The following TMPRSS11D variants were observed in gnomAD, a reference collection of about 807,000 sequenced individuals.
The protein encoded by TMPRSS11D is transmembrane serine protease 11D.
In TMPRSS11D, 32 loss-of-function variants were observed where a neutral mutation model predicts 44.4. The ratio of observed to expected loss-of-function variants is 0.72; its 90% CI spans 0.54 to 0.97. TMPRSS11D has a LOEUF of 0.97. Ranked by LOEUF, TMPRSS11D falls within the 50% of genes least tolerant of loss-of-function variation. The pLI is 0.00. For missense variants in TMPRSS11D, 446 were observed against 502.6 expected (o/e 0.89, Z 1.08); for synonymous variants, 179 against 177.9 (o/e 1.01, Z -0.05).
At chr4:67,830,350 G>T (rs916407244) in intron 7 of TMPRSS11D, among the ~76,000 whole-genome samples, 3 of 151,834 alleles carry the variant, frequency 2.0e-5, no homozygotes, top group Non-Finnish European at 2.9e-5. Flanking sequence ...TAAAATGAGA[G>T]AAATGCCTTG....
At chr4:67,847,886 G>A (rs1042350975) in intron 3 of TMPRSS11D, among the ~76,000 whole-genome samples, 16 of 152,046 alleles carry the variant, frequency 1.1e-4, no homozygotes, top group Non-Finnish European at 4.4e-5. Context: ...GAACTCCACC[G>A]TGACTGTAAT....
At chr4:67,846,067 G>T (rs534241179) in intron 3 of TMPRSS11D, among the ~76,000 whole-genome samples, 288 of 152,170 alleles carry the variant, frequency 1.9e-3, no homozygotes, top group Non-Finnish European at 2.9e-3. Flanking sequence ...TAATGCTTTT[G>T]TCATTTTAAT....
At position 67,825,781 on chromosome 4, in the gene TMPRSS11D, G is replaced by A. The variant is rs746344124; in HGVS notation, c.1046C>T (p.Ser349Phe). 1.2e-6 allele frequency: 2 copies of A among 1,613,132 alleles called. No homozygotes were observed. Among genetic ancestry groups the A allele is most frequent in the Non-Finnish European group, 1.7e-6 (2 of 1,179,488 alleles). Reference protein sequence around the residue: ...APHSYNGAILSGMLCAGVPQG... With the variant: ...APHSYNGAILFGMLCAGVPQG... ...AGGTACTCCAGCACACAGCATTCCAGACAAGATGGCTCCATTATAACTATG... is the reference window on the plus strand; with the variant it reads ...AGGTACTCCAGCACACAGCATTCCAAACAAGATGGCTCCATTATAACTATG... The change falls in exon 9 of 10, where the codon TCT becomes TTT. Residue 349 changes from serine (S) to phenylalanine (F), a missense_variant. Ser to Phe is a radical substitution (Grantham distance 155). Coordinates refer to ENST00000283916, the MANE Select transcript of TMPRSS11D (RefSeq NM_004262.3).
At chr4:67,829,402 G>A (rs1169238839) in intron 7 of TMPRSS11D, among the ~76,000 whole-genome samples, 1 of 150,084 alleles carries the variant, frequency 6.7e-6, no homozygotes, top group African/African-American at 2.5e-5. Flanking sequence ...ACAAGTATAT[G>A]TGCACCTATA....
At chr4:67,874,285 G>A (rs971122114) in intron 1 of TMPRSS11D, among the ~76,000 whole-genome samples, 6 of 148,798 alleles carry the variant, frequency 4.0e-5, no homozygotes, top group Admixed American at 6.8e-5. Context: ...GTCAAGTAAC[G>A]CATGACTGGT....
chr4:67,832,099 A>C (rs762904571), intron 7 of TMPRSS11D, among the ~76,000 whole-genome samples: 2 of 152,174 alleles, frequency 1.3e-5, no homozygotes, highest in Non-Finnish European at 2.9e-5. Flanking sequence ...TCAGATACTC[A>C]TAGGTAGGGA....
At chr4:67,882,839 A>G (rs144656473) in intron 1 of TMPRSS11D, among the ~76,000 whole-genome samples, 2,291 of 151,678 alleles carry the variant, frequency 0.015, 53 homozygotes, top group African/African-American at 0.05. Context: ...GTAGTAGTTG[A>G]TGAGTAAATA....
intron 1 of TMPRSS11D, among the ~76,000 whole-genome samples, chr4:67,865,148 C>G (rs979920209): frequency 6.6e-6 from 1 of 151,332 alleles, no homozygotes; most frequent in Non-Finnish European, 1.5e-5. Flanking sequence ...TTTAAAAAAT[C>G]AAAATCATAT....
intron 4 of TMPRSS11D, among the ~76,000 whole-genome samples, chr4:67,839,579 A>T (rs1033602145): frequency 1.5e-4 from 23 of 152,090 alleles, no homozygotes; most frequent in African/African-American, 5.6e-4. Flanking sequence ...GCAAAATAGG[A>T]AGTTGAACTT....
At chr4:67,881,209 A>T (rs1196034071) in intron 1 of TMPRSS11D, among the ~76,000 whole-genome samples, 3 of 152,190 alleles carry the variant, frequency 2.0e-5, no homozygotes, top group Non-Finnish European at 4.4e-5. Flanking sequence ...TCCCTTCCTT[A>T]TGACTTATTT....
Position 67,825,740 on chromosome 4 carries a change from C to T in TMPRSS11D, c.1087G>A (p.Ala363Thr), listed in dbSNP as rs377401556. The change falls in exon 9 of 10, where the codon GCA (alanine) becomes ACA (threonine). Residue 363 changes from alanine (A) to threonine (T), a missense_variant. Ala to Thr is a moderately conservative substitution (Grantham distance 58). Transcript: ENST00000283916. ...CAGVPQGGVD[A>T]CQGDSGGPLV... ...GATTGTCTTGAGCTTACCTGACATG[C>T]GTCCACTCCACCTTGAGGTACTCCA... 28 of 1,612,630 alleles carry T rather than the reference C, an allele frequency of 1.7e-5. No individual in the cohort carries two copies. The highest frequency in any genetic ancestry group is 8.0e-5 in the African/African-American group (6 of 74,954).
intron 4 of TMPRSS11D, 135 bp from the exon 5 acceptor site, chr4:67,838,464 G>T: frequency 1.3e-6 from 1 of 778,422 alleles, no homozygotes; most frequent in Non-Finnish European, 1.9e-6. Flanking sequence ...CTCTGTAACA[G>T]TGTTTGCATA....
chr4:67,827,291 C>T lies in TMPRSS11D; in HGVS notation c.922G>A (p.Val308Ile), dbSNP rs1192217186. The T allele has an allele frequency of 1.9e-6, 3 of 1,612,504 alleles. No homozygotes were observed. The South Asian group carries it at 3.3e-5, about 18-fold the overall frequency. Reference protein sequence around the residue: ...QNIPPGSTAYVTGWGAQEYAG... With the variant: ...QNIPPGSTAYITGWGAQEYAG... The stretch of plus-strand genomic sequence containing the variant: ...TATTCTTGAGCGCCCCATCCTGTTA[C>T]ATAAGCAGTAGAGCCAGGTGGAATA... Residue 308 changes from valine (V) to isoleucine (I), a missense_variant, in exon 8 of 10, where the codon GTA becomes ATA. By Grantham distance (29) the Val-to-Ile change is conservative. Transcript: ENST00000283916.
intron 1 of TMPRSS11D, among the ~76,000 whole-genome samples, chr4:67,861,547 T>C (rs1718790680): frequency 6.6e-6 from 1 of 152,044 alleles, no homozygotes; most frequent in South Asian, 2.1e-4. Context: ...TATGTCAGGA[T>C]CTGTAAGCGT....
chr4:67,822,277 T>C lies in TMPRSS11D; in HGVS notation c.*60A>G. 2 of 1,552,014 alleles carry C rather than the reference T, an allele frequency of 1.3e-6. No individual in the cohort carries two copies. Among genetic ancestry groups the C allele is most frequent in the Non-Finnish European group, 1.8e-6 (2 of 1,137,496 alleles). On this transcript the variant is annotated 3_prime_UTR_variant, in exon 10 of 10. Coordinates refer to ENST00000283916, the MANE Select transcript of TMPRSS11D (RefSeq NM_004262.3). ...TCTTTTTCAGTTGAAATGTAAAGCT[T>C]TGGAATTTAAGACAGGCACACCTGC...
chr4:67,864,598 A>T (rs1718873513), intron 1 of TMPRSS11D, among the ~76,000 whole-genome samples: 1 of 151,956 alleles, frequency 6.6e-6, no homozygotes, highest in Non-Finnish European at 1.5e-5. Flanking sequence ...TGCATGACAG[A>T]ACTCCTCCAA....
intron 1 of TMPRSS11D, among the ~76,000 whole-genome samples, chr4:67,865,725 T>C (rs1314089083): frequency 6.6e-6 from 1 of 151,714 alleles, no homozygotes; most frequent in Non-Finnish European, 1.5e-5. Flanking sequence ...CTAGAGGAAA[T>C]CAATAAATTC....
Position 67,868,865 on chromosome 4 carries a change from T to C in TMPRSS11D, c.9-9187A>G, listed in dbSNP as rs547192416. Reference sequence around the variant, plus strand: ...GCAGACAAATTTATTAGTCCAGTAATGGGATATGAAGTGCTAAGGGCCATG... The same window carrying C: ...GCAGACAAATTTATTAGTCCAGTAACGGGATATGAAGTGCTAAGGGCCATG... On this transcript the variant is annotated intron_variant, in intron 1 of 9. Coordinates refer to ENST00000283916, the MANE Select transcript of TMPRSS11D (RefSeq NM_004262.3). 1.1e-4 allele frequency among the ~76,000 whole-genome samples: 16 copies of C among 152,210 alleles called. No individual in the cohort carries two copies. In the South Asian group the frequency reaches 2.9e-3, roughly 28 times the overall value.
chr4:67,860,861 TG>T (rs1718776999), intron 1 of TMPRSS11D, among the ~76,000 whole-genome samples: 1 of 152,086 alleles, frequency 6.6e-6, no homozygotes, highest in African/African-American at 2.4e-5. Flanking sequence ...CAATGTTGCC[TG>T]GTATTGTTTG....
Sources: allele counts gnomAD v4.1 joint callset (sites outside exome capture counted in the v4.1 genomes callset), GRCh38; gene constraint gnomAD v4.1.1; transcripts MANE v1.5; gene names NCBI Gene and HGNC (gene_info 2026-07-23, HGNC 2026-07-21).